The following S100B variants were observed in gnomAD, a reference collection of about 807,000 sequenced individuals.
S100B encodes the protein S100 calcium binding protein B.
S100B carries 6 observed loss-of-function variants against 7.7 expected under a neutral mutation model. The observed-to-expected ratio is 0.78, with a 90% CI of 0.43 to 1.54. The LOEUF (loss-of-function observed/expected upper bound fraction) is 1.54, where lower values mean the gene tolerates loss of function less well. Among genes scored for constraint, S100B ranks in the 40% most tolerant of loss-of-function variants. S100B has a pLI of 0.01. For synonymous variants in S100B, 36 were observed against 40.4 expected (o/e 0.89, Z 0.41); for missense variants, 99 against 111.8 (o/e 0.89, Z 0.52).
rs558674156 is a variant in S100B at position 46,602,386 on chromosome 21, G to A, written c.30C>T (p.Ala10=). 5 of 1,614,076 alleles carry A rather than the reference G, an allele frequency of 3.1e-6. No homozygotes were observed. The highest frequency in any genetic ancestry group is 4.2e-6 in the Non-Finnish European group (5 of 1,179,994). The change falls in exon 2 of 3, where the codon GCC becomes GCT. Residue 10 remains alanine, a synonymous_variant. Coordinates refer to ENST00000291700, the MANE Select transcript of S100B (RefSeq NM_006272.3). ...AATATTGGTGGAAAACGTCGATGAG[G>A]GCCACCATGGCCTTCTCCAGCTCAG... MSELEKAMV[A]LIDVFHQYSG... is the part of the protein sequence containing the mutation.
intron 1 of S100B, among the ~76,000 whole-genome samples, chr21:46,603,398 T>TGGGGGGAGGGGGGGGCGGGGGGGGGGGGG: frequency 0.013 from 676 of 51,596 alleles, 9 homozygotes; most frequent in Middle Eastern, 0.038. Context: ...CGGGAGGGGG[T>TGGGGGGAGGGGGGGGCGGGGGGGGGGGGG]GGGGGCAGGA....
intron 1 of S100B, among the ~76,000 whole-genome samples, chr21:46,603,392 A>AAGGGGTGGGGGGAGGGGGGGGCGGGGG (rs2061047262): frequency 3.1e-4 from 12 of 38,234 alleles, no homozygotes; most frequent in Non-Finnish European, 9.8e-5. Context: ...GGACGGCGGG[A>AAGGGGTGGGGGGAGGGGGGGGCGGGGG]GGGGGTGGGG....
intron 2 of S100B, among the ~76,000 whole-genome samples, chr21:46,601,616 G>C (rs1200900271): frequency 6.6e-6 from 1 of 152,170 alleles, no homozygotes; most frequent in East Asian, 1.9e-4. Context: ...CTTGCCAGGA[G>C]CCCCCACACA....
chr21:46,599,141 G>C lies in S100B; in HGVS notation c.*222C>G, dbSNP rs930971443. 5.4e-6 allele frequency: 3 copies of C among 557,030 alleles called. No homozygotes were observed. The allele number at this position is 557,030 out of a possible 1,614,324, so 34.5% of individuals were successfully genotyped here. Reference sequence around the variant, plus strand: ...CTGTTAACAAGAGTCCCTGGGGCCAGTCAGCTTACACACAGGCCTAATATA... The same window carrying C: ...CTGTTAACAAGAGTCCCTGGGGCCACTCAGCTTACACACAGGCCTAATATA... On this transcript the variant is annotated 3_prime_UTR_variant, in exon 3 of 3. Coordinates refer to ENST00000291700, the MANE Select transcript of S100B (RefSeq NM_006272.3).
rs1601892742 is a variant in S100B at position 46,599,364 on chromosome 21, C to G, written c.278G>C (p.Ter93SerextTer2). 6.2e-7 allele frequency: 1 copy of G among 1,613,360 alleles called. No individual in the cohort carries two copies. The highest frequency in any genetic ancestry group is 8.5e-7 in the Non-Finnish European group (1 of 1,179,852). Residue 93 changes from the stop codon to serine (S), a stop_lost, in exon 3 of 3, where the codon TGA becomes TCA. Coordinates refer to ENST00000291700, the MANE Select transcript of S100B (RefSeq NM_006272.3). ...GAAAGGTTTGGCTGCTTTCTAATCT[C>G]ACTCATGTTCAAAGAACTCGTGGCA... ...TACHEFFEHE[*>S]
chr21:46,598,604 T>A lies in S100B; in HGVS notation c.*759A>T, dbSNP rs548659505. 6.6e-6 allele frequency among the ~76,000 whole-genome samples: 1 copy of A among 152,330 alleles called. No homozygotes were observed. Among genetic ancestry groups the A allele is most frequent in the South Asian group, 2.1e-4 (1 of 4,828 alleles). On this transcript the variant is annotated 3_prime_UTR_variant, in exon 3 of 3. Coordinates refer to ENST00000291700, the MANE Select transcript of S100B (RefSeq NM_006272.3). ...ACCTTGTGATCCACCTGCCTCGGCC[T>A]CCCAAGCTGCGCTCTTTTTATTGAA...
At chr21:46,603,398 T>TGGGGGGGGAGGGGGTGGC in intron 1 of S100B, among the ~76,000 whole-genome samples, 10 of 52,070 alleles carry the variant, frequency 1.9e-4, no homozygotes, top group Non-Finnish European at 3.4e-4. Flanking sequence ...CGGGAGGGGG[T>TGGGGGGGGAGGGGGTGGC]GGGGGCAGGA....
chr21:46,603,175 A>G (rs2148944679), intron 1 of S100B, among the ~76,000 whole-genome samples: 1 of 152,084 alleles, frequency 6.6e-6, no homozygotes, highest in Middle Eastern at 3.4e-3. Flanking sequence ...GGAAAAATAA[A>G]TATGGTAGAA....
At chr21:46,604,319 T>C (rs569025435) in intron 1 of S100B, among the ~76,000 whole-genome samples, 2 of 152,232 alleles carry the variant, frequency 1.3e-5, no homozygotes, top group South Asian at 2.1e-4. Context: ...TCTTTTAATA[T>C]TGAGAACAAG....
intron 2 of S100B, among the ~76,000 whole-genome samples, chr21:46,600,852 C>G (rs1320265181): frequency 1.3e-5 from 2 of 152,136 alleles, no homozygotes; most frequent in African/African-American, 2.4e-5. Flanking sequence ...TAAGCACTGT[C>G]CCGCTTCACC....
chr21:46,600,154 G>A, intron 2 of S100B: 1 of 274,868 alleles, frequency 3.6e-6, no homozygotes, highest in Middle Eastern at 5.7e-4. Flanking sequence ...ATTGAACACT[G>A]ATGAAGAGCA....
At chr21:46,602,583 GCACT>G (rs2061044704) in intron 1 of S100B, 167 bp from the exon 2 acceptor site, 1 of 633,472 alleles carries the variant, frequency 1.6e-6, no homozygotes, top group African/African-American at 1.8e-5. Context: ...CTGGGAATTT[GCACT>G]TTTATCATAA....
At chr21:46,603,392 A>AGGGGGTGGGGGGAGGGGGGGGACGGGGG (rs796474856) in intron 1 of S100B, among the ~76,000 whole-genome samples, 2 of 38,206 alleles carry the variant, frequency 5.2e-5, no homozygotes, top group African/African-American at 2.1e-4. Context: ...GGACGGCGGG[A>AGGGGGTGGGGGGAGGGGGGGGACGGGGG]GGGGGTGGGG....
At chr21:46,603,849 A>C (rs779702930) in intron 1 of S100B, among the ~76,000 whole-genome samples, 1 of 152,246 alleles carries the variant, frequency 6.6e-6, no homozygotes, top group Non-Finnish European at 1.5e-5. Flanking sequence ...TGAGTCCCTA[A>C]AAATTTGATA....
At position 46,603,300 on chromosome 21, in the gene S100B, G is replaced by A. The variant is rs549444945; in HGVS notation, c.-1-884C>T. On this transcript the variant is annotated intron_variant, in intron 1 of 2. Coordinates refer to ENST00000291700, the MANE Select transcript of S100B (RefSeq NM_006272.3). Reference sequence around the variant, plus strand: ...TGTGGTTCTGTCGCAGGGAGGGACAGAATCCAGCAGAAAGCTGAGCTGCTG... The same window carrying A: ...TGTGGTTCTGTCGCAGGGAGGGACAAAATCCAGCAGAAAGCTGAGCTGCTG... Among the ~76,000 whole-genome samples, 233 of 147,132 alleles carry A rather than the reference G, an allele frequency of 1.6e-3. 1 individual carries two copies. The highest frequency in any genetic ancestry group is 2.5e-3 in the Non-Finnish European group (168 of 66,784).
intron 1 of S100B, among the ~76,000 whole-genome samples, chr21:46,603,473 C>A (rs985448618): frequency 1.3e-5 from 2 of 151,920 alleles, no homozygotes; most frequent in African/African-American, 4.8e-5. Flanking sequence ...AAGTACCTTA[C>A]GCCACAGCCT....
intron 2 of S100B, 40 bp downstream of exon 2, chr21:46,602,233 TAAGAG>T (rs1208145854): frequency 1.3e-6 from 2 of 1,570,936 alleles, no homozygotes; most frequent in East Asian, 4.5e-5. Flanking sequence ...AGATGGATTT[TAAGAG>T]GAGATGGAGA....
chr21:46,599,078 G>A lies in S100B; in HGVS notation c.*285C>T, dbSNP rs1569136642. ...TCTACACGGCCATGGCGGGCTGCACGGTGCACGCTTTATCACTGAGACCTG... is the reference window on the plus strand; with the variant it reads ...TCTACACGGCCATGGCGGGCTGCACAGTGCACGCTTTATCACTGAGACCTG... On this transcript the variant is annotated 3_prime_UTR_variant, in exon 3 of 3. Coordinates refer to ENST00000291700, the MANE Select transcript of S100B (RefSeq NM_006272.3). 2 of 399,404 alleles carry A rather than the reference G, an allele frequency of 5.0e-6. No homozygotes were observed. Among genetic ancestry groups the A allele is most frequent in the Non-Finnish European group, 8.8e-6 (2 of 226,068 alleles). 24.7% of individuals were successfully genotyped at this position (399,404 alleles called of 1,614,324 possible).
In S100B at chr21:46,598,892, A is replaced by G. The variant is rs558748503; in HGVS notation, c.*471T>C. On this transcript the variant is annotated 3_prime_UTR_variant, in exon 3 of 3. Coordinates refer to ENST00000291700, the MANE Select transcript of S100B (RefSeq NM_006272.3). ...GAAGCCACCACGCCCTTGCAGGGCC[A>G]CACCGGCCAACCAGCTGTTATCTGC... 6.4e-6 allele frequency: 1 copy of G among 155,574 alleles called. No individual in the cohort carries two copies. The highest frequency in any genetic ancestry group is 1.9e-4 in the East Asian group (1 of 5,264). The allele number at this position is 155,574 out of a possible 1,614,324, so 9.6% of individuals were successfully genotyped here. A position where few individuals can be genotyped will look rare whatever the true frequency, so the allele number is the denominator to read the frequency against.
Sources: gnomAD v4.1 joint callset for allele counts (sites outside exome capture counted in the v4.1 genomes callset) on GRCh38, gnomAD v4.1.1 for gene constraint, MANE v1.5 for transcripts, NCBI Gene and HGNC (gene_info 2026-07-23, HGNC 2026-07-21) for gene names.